The following PRKAB1 variants were observed in gnomAD, a reference collection of about 807,000 sequenced individuals.
PRKAB1 encodes the protein protein kinase AMP-activated non-catalytic subunit beta 1.
PRKAB1 carries 18 observed loss-of-function variants against 32.0 expected under a neutral mutation model. The observed-to-expected ratio is 0.56, with a 90% CI of 0.39 to 0.83. The LOEUF is 0.83. PRKAB1 is among the 40% of genes least tolerant of loss of function. The probability of loss-of-function intolerance (pLI) is 0.00; values close to 1 mark genes in which losing one functional copy is unlikely to be tolerated. For missense variants in PRKAB1, 263 were observed against 352.6 expected (o/e 0.75, Z 2.03); for synonymous variants, 141 against 141.4 (o/e 1.00, Z 0.02).
rs1277313567 is a variant in PRKAB1 at position 119,674,711 on chromosome 12, G to C, written c.532+257G>C. ...CCACAGAACGCAGACAGCAGAAATG[G>C]AACCATAGCTTGATCTCGTGCCAAG... On this transcript the variant is annotated intron_variant, in intron 4 of 6. Transcript: ENST00000229328. The surrounding 1 kb of genome is among the most constrained non-coding windows in gnomAD (Gnocchi z 4.3). Among the ~76,000 whole-genome samples, 1 of 152,238 alleles carries C rather than the reference G, an allele frequency of 6.6e-6. No homozygotes were observed. Among genetic ancestry groups the C allele is most frequent in the African/African-American group, 2.4e-5 (1 of 41,472 alleles).
Position 119,674,210 on chromosome 12 carries a change from C to A in PRKAB1, c.418-130C>A. 1 of 1,003,070 alleles carries A rather than the reference C, an allele frequency of 1.0e-6. No individual in the cohort carries two copies. The highest frequency in any genetic ancestry group is 1.5e-6 in the Non-Finnish European group (1 of 664,372). The allele number at this position is 1,003,070 out of a possible 1,614,324, so 62.1% of individuals were successfully genotyped here. A position where few individuals can be genotyped will look rare whatever the true frequency, so the allele number is the denominator to read the frequency against. On this transcript the variant is annotated intron_variant, in intron 3 of 6. Coordinates refer to ENST00000229328, the MANE Select transcript of PRKAB1 (RefSeq NM_006253.5). The surrounding 1 kb of genome is among the most constrained non-coding windows in gnomAD (Gnocchi z 4.3). The stretch of plus-strand genomic sequence containing the variant: ...GCAGCACTACCTGTCAGACAGTTGG[C>A]ATACTTGACCAAGATGAGCAGGGTG...
Position 119,674,806 on chromosome 12 carries a change from C to T in PRKAB1, c.532+352C>T, listed in dbSNP as rs1468174379. On this transcript the variant is annotated intron_variant, in intron 4 of 6. Transcript: ENST00000229328. This position sits in a 1 kb window ranked among gnomAD's most constrained non-coding sequence, Gnocchi z 4.3. ...AGCCCAGCACTGGGGAAGCCTGTGTCTCATCCCACTTGTGGTGCCTGAAGA... is the reference window on the plus strand; with the variant it reads ...AGCCCAGCACTGGGGAAGCCTGTGTTTCATCCCACTTGTGGTGCCTGAAGA... 6.6e-6 allele frequency among the ~76,000 whole-genome samples: 1 copy of T among 152,230 alleles called. No homozygotes were observed. The highest frequency in any genetic ancestry group is 1.5e-5 in the Non-Finnish European group (1 of 68,042).
chr12:119,680,020 C>A lies in PRKAB1; in HGVS notation c.735+19C>A. On this transcript the variant is annotated intron_variant, in intron 6 of 6. Coordinates refer to ENST00000229328, the MANE Select transcript of PRKAB1 (RefSeq NM_006253.5). ...TATCAAGGTAATGACATGTCTGTCC[C>A]CATGAGAGCTGTGTTGCCCAGTGTG... 6.2e-7 allele frequency: 1 copy of A among 1,606,662 alleles called. No homozygotes were observed. Among genetic ancestry groups the A allele is most frequent in the South Asian group, 1.1e-5 (1 of 90,866 alleles).
Position 119,668,777 on chromosome 12 carries a change from C to T in PRKAB1, c.159+374C>T, listed in dbSNP as rs145508978. 6.2e-4 allele frequency among the ~76,000 whole-genome samples: 95 copies of T among 152,302 alleles called. No homozygotes were observed. The East Asian group carries it at 0.014, about 23-fold the overall frequency. ...AATTGCACTGCTTTGAGACAAATTC[C>T]CTCACCTTTACACAAACTGGAGCTT... On this transcript the variant is annotated intron_variant, in intron 1 of 6. Transcript: ENST00000229328.
chr12:119,675,148 T>C (rs965979068), intron 4 of PRKAB1, among the ~76,000 whole-genome samples: 1 of 152,198 alleles, frequency 6.6e-6, no homozygotes, highest in Non-Finnish European at 1.5e-5. Context: ...AGTGTTCCCC[T>C]TCTTGGAGGC....
intron 4 of PRKAB1, among the ~76,000 whole-genome samples, chr12:119,676,076 C>T (rs1435616156): frequency 2.0e-5 from 3 of 152,188 alleles, no homozygotes; most frequent in Non-Finnish European, 2.9e-5. Flanking sequence ...CCTGTTTTCT[C>T]CACGGCCTCT....
chr12:119,668,133 G>T lies in PRKAB1; in HGVS notation c.-112G>T. ...GAGGGGCGTGGTGTCCTGGTGCTCC[G>T]ACTCCTTCCGCAGGCTCCTTGGGAC... On this transcript the variant is annotated 5_prime_UTR_variant, in exon 1 of 7. Transcript: ENST00000229328. 7.8e-7 allele frequency: 1 copy of T among 1,283,554 alleles called. No homozygotes were observed. The highest frequency in any genetic ancestry group is 1.8e-5 in the South Asian group (1 of 55,036). 79.5% of individuals were successfully genotyped at this position (1,283,554 alleles called of 1,614,324 possible). A position where few individuals can be genotyped will look rare whatever the true frequency, so the allele number is the denominator to read the frequency against.
At chr12:119,678,985 G>A (rs1955446265) in intron 5 of PRKAB1, 1 of 152,198 alleles carries the variant, frequency 6.6e-6, no homozygotes, top group South Asian at 2.1e-4. Flanking sequence ...TGCACTAAAA[G>A]TAGCTTTTAA....
At position 119,668,196 on chromosome 12, in the gene PRKAB1, C is replaced by G; in HGVS notation, c.-49C>G. On this transcript the variant is annotated 5_prime_UTR_variant, in exon 1 of 7. Coordinates refer to ENST00000229328, the MANE Select transcript of PRKAB1 (RefSeq NM_006253.5). ...GAGTCCCTTGCTCAGGGTCCCTTTC[C>G]TGCAGTGAGGCGCCGTCCGCCTTCC... The G allele has an allele frequency of 3.3e-6, 5 of 1,512,506 alleles. No homozygotes were observed. The highest frequency in any genetic ancestry group is 4.4e-6 in the Non-Finnish European group (5 of 1,137,264). 93.7% of individuals were successfully genotyped at this position (1,512,506 alleles called of 1,614,324 possible).
At position 119,672,429 on chromosome 12, in the gene PRKAB1, C is replaced by T; in HGVS notation, c.288C>T (p.Ser96=). The T allele has an allele frequency of 6.2e-7, 1 of 1,601,500 alleles. No individual in the cohort carries two copies. Among genetic ancestry groups the T allele is most frequent in the East Asian group, 2.3e-5 (1 of 43,982 alleles). The change falls in exon 2 of 7, where the codon TCC becomes TCT. Residue 96 remains serine (S), a synonymous_variant. Coordinates refer to ENST00000229328, the MANE Select transcript of PRKAB1 (RefSeq NM_006253.5). The part of the protein sequence containing the change: ...GGGKEVYLSG[S]FNNWSKLPLT... ...GAAAGGAAGTTTACTTATCTGGGTC[C>T]TTCAACAACTGGAGTAAACTTCCCC...
chr12:119,676,484 G>A (rs1955427099), intron 4 of PRKAB1, 53 bp from the exon 5 acceptor site: 5 of 1,509,156 alleles, frequency 3.3e-6, no homozygotes, highest in Non-Finnish European at 3.6e-6. Flanking sequence ...AAGTAAGGCT[G>A]CTCCTAGAAT....
At position 119,674,183 on chromosome 12, in the gene PRKAB1, T is replaced by C; in HGVS notation, c.417+126T>C. On this transcript the variant is annotated intron_variant, in intron 3 of 6. Coordinates refer to ENST00000229328, the MANE Select transcript of PRKAB1 (RefSeq NM_006253.5). This position sits in a 1 kb window ranked among gnomAD's most constrained non-coding sequence, Gnocchi z 4.3. The stretch of plus-strand genomic sequence containing the variant: ...AGTCCCCGTGTGTGGCAGAGCTGAG[T>C]AGCAGCACTACCTGTCAGACAGTTG... The C allele has an allele frequency of 9.8e-7, 1 of 1,025,396 alleles. No homozygotes were observed. The highest frequency in any genetic ancestry group is 1.5e-6 in the Non-Finnish European group (1 of 680,686). 63.5% of individuals were successfully genotyped at this position (1,025,396 alleles called of 1,614,324 possible).
chr12:119,672,530 TGA>T (rs1313502748), intron 2 of PRKAB1, 66 bp downstream of exon 2: 11 of 1,399,478 alleles, frequency 7.9e-6, no homozygotes, highest in Non-Finnish European at 1.0e-5. Flanking sequence ...AAAACATCTC[TGA>T]GAGAGAACAG....
chr12:119,676,463 G>T, intron 4 of PRKAB1, 74 bp from the exon 5 acceptor site: 1 of 1,439,940 alleles, frequency 6.9e-7, no homozygotes, highest in South Asian at 1.3e-5. Context: ...AAAATGAGAT[G>T]ATGACAACAT....
At position 119,679,781 on chromosome 12, in the gene PRKAB1, C is replaced by T. The variant is rs574141037; in HGVS notation, c.667-152C>T. On this transcript the variant is annotated intron_variant, in intron 5 of 6. Coordinates refer to ENST00000229328, the MANE Select transcript of PRKAB1 (RefSeq NM_006253.5). The surrounding 1 kb of genome is among the most constrained non-coding windows in gnomAD (Gnocchi z 4.1). Reference sequence around the variant, plus strand: ...AAGGCGTGACCTTCATCTCACCTGTCGTCTTGGACAAGCCCTTGCGCTGCC... The same window carrying T: ...AAGGCGTGACCTTCATCTCACCTGTTGTCTTGGACAAGCCCTTGCGCTGCC... 10 of 746,070 alleles carry T rather than the reference C, an allele frequency of 1.3e-5. No homozygotes were observed. The African/African-American group carries it at 1.4e-4, about 10-fold the overall frequency. The allele number at this position is 746,070 out of a possible 1,614,324, so 46.2% of individuals were successfully genotyped here. A position where few individuals can be genotyped will look rare whatever the true frequency, so the allele number is the denominator to read the frequency against.
At position 119,680,502 on chromosome 12, in the gene PRKAB1, C is replaced by T. The variant is rs1955457127; in HGVS notation, c.*177C>T. On this transcript the variant is annotated 3_prime_UTR_variant, in exon 7 of 7. Coordinates refer to ENST00000229328, the MANE Select transcript of PRKAB1 (RefSeq NM_006253.5). ...CCAGGCAGAGCAGCTCCTGCAGCGCCTCGGTCTGTGACAGTCCTCCTAGCA... is the reference window on the plus strand; with the variant it reads ...CCAGGCAGAGCAGCTCCTGCAGCGCTTCGGTCTGTGACAGTCCTCCTAGCA... The T allele has an allele frequency of 1.5e-6, 1 of 665,332 alleles. No individual in the cohort carries two copies. Among genetic ancestry groups the T allele is most frequent in the Non-Finnish European group, 2.6e-6 (1 of 388,036 alleles). The allele number at this position is 665,332 out of a possible 1,614,324, so 41.2% of individuals were successfully genotyped here. A position where few individuals can be genotyped will look rare whatever the true frequency, so the allele number is the denominator to read the frequency against.
chr12:119,668,719 G>C (rs1163495885), intron 1 of PRKAB1, among the ~76,000 whole-genome samples: 1 of 152,174 alleles, frequency 6.6e-6, no homozygotes, highest in Admixed American at 6.5e-5. Flanking sequence ...CAGTAATTGA[G>C]CCCCAGCTTC....
At chr12:119,667,963 T>G, upstream of PRKAB1, 1 of 418,210 alleles carries the variant, frequency 2.4e-6, no homozygotes, top group Non-Finnish European at 4.2e-6. Flanking sequence ...GAAGCGGAAG[T>G]CGCTGAGGGG....
chr12:119,681,204 T>C lies in PRKAB1; in HGVS notation c.*879T>C, dbSNP rs139729603. 5.3e-5 allele frequency: 8 copies of C among 152,378 alleles called. No individual in the cohort carries two copies. The highest frequency in any genetic ancestry group is 1.9e-4 in the African/African-American group (8 of 41,576). The allele number at this position is 152,378 out of a possible 1,614,324, so 9.4% of individuals were successfully genotyped here. On this transcript the variant is annotated 3_prime_UTR_variant, in exon 7 of 7. Coordinates refer to ENST00000229328, the MANE Select transcript of PRKAB1 (RefSeq NM_006253.5). ...GAGAGGCACTCTGCCCTCTTCCCTA[T>C]AAAATCACACAGCGTGATTTTACAA...
Sources: gnomAD v4.1 joint callset for allele counts (sites outside exome capture counted in the v4.1 genomes callset) on GRCh38, gnomAD v4.1.1 for gene constraint, Gnocchi (gnomAD v3.1) non-coding constraint, MANE v1.5 for transcripts, NCBI Gene and HGNC (gene_info 2026-07-23, HGNC 2026-07-21) for gene names.